TENM4: variants seen among roughly 807,000 people sequenced by gnomAD.
TENM4 encodes the protein teneurin-4.
Under a neutral mutation model 243.3 loss-of-function variants are expected in TENM4, and 82 were observed. The ratio of observed to expected loss-of-function variants is 0.34; its 90% CI spans 0.28 to 0.40. The LOEUF is 0.40. Ranked by LOEUF, TENM4 falls within the 10% of genes least tolerant of loss-of-function variation. The probability of loss-of-function intolerance (pLI) is 1.00; values close to 1 mark genes in which losing one functional copy is unlikely to be tolerated. For synonymous variants in TENM4, 1,412 were observed against 1,456.3 expected, an observed-to-expected ratio of 0.97 and a Z score of 0.69; for missense variants, 3,138 against 3,673.3, an observed-to-expected ratio of 0.85 and a Z score of 3.77.
chr11:79,081,513 G>A (rs1480342619), intron 4 of TENM4, among the ~76,000 whole-genome samples: 1 of 147,574 alleles, frequency 6.8e-6, no homozygotes, highest in Admixed American at 6.8e-5. Flanking sequence ...GATTACCCAG[G>A]CTGTCCTTCC....
intron 4 of TENM4, among the ~76,000 whole-genome samples, chr11:79,103,355 T>C (rs1432435507): frequency 6.6e-6 from 1 of 152,192 alleles, no homozygotes; most frequent in Non-Finnish European, 1.5e-5. Context: ...ATAATTCTGA[T>C]TGCTCCCTGA....
chr11:78,913,581 GTA>G lies in TENM4; in HGVS notation c.494-10060_494-10059del, dbSNP rs1220002752. Among the ~76,000 whole-genome samples, 251 of 101,296 alleles carry G rather than the reference GTA, an allele frequency of 2.5e-3. 1 individual carries two copies. The highest frequency in any genetic ancestry group is 9.5e-3 in the African/African-American group (241 of 25,390). 66.5% of individuals were successfully genotyped at this position (101,296 alleles called of 152,430 possible). A position where few individuals can be genotyped will look rare whatever the true frequency, so the allele number is the denominator to read the frequency against. On this transcript the variant is annotated intron_variant, in intron 6 of 33. Coordinates refer to ENST00000278550, the MANE Select transcript of TENM4 (RefSeq NM_001098816.3). ...AGGAACCATAGTTGATGGGTAAGAGGTATGTGTGTGTGTGTGTGTGTGTGTGT... is the reference window on the plus strand; with the variant it reads ...AGGAACCATAGTTGATGGGTAAGAGGTGTGTGTGTGTGTGTGTGTGTGTGT...
rs1365367130 is a variant in TENM4, at chr11:79,137,646, C to CA, written c.-66+11063dup. On this transcript the variant is annotated intron_variant, in intron 4 of 33. Coordinates refer to ENST00000278550, the MANE Select transcript of TENM4 (RefSeq NM_001098816.3). ...TATTTCCTCTTTCTTTTGTTAAAAA[C>CA]ACGTCTGCGCATATATACGCTTGTA... Among the ~76,000 whole-genome samples, 5 of 152,186 alleles carry CA rather than the reference C, an allele frequency of 3.3e-5. 1 individual carries two copies. Among genetic ancestry groups the CA allele is most frequent in the Admixed American group, 2.6e-4 (4 of 15,274 alleles).
At chr11:79,427,199 C>T (rs1018484900) in intron 1 of TENM4, among the ~76,000 whole-genome samples, 9 of 152,198 alleles carry the variant, frequency 5.9e-5, no homozygotes, top group Admixed American at 2.0e-4. Flanking sequence ...TTCCATGCTT[C>T]CACAGGCCCA....
chr11:79,153,875 T>A (rs2135064171), intron 3 of TENM4, among the ~76,000 whole-genome samples: 1 of 152,184 alleles, frequency 6.6e-6, no homozygotes, highest in South Asian at 2.1e-4. Context: ...CTCGTTCAAT[T>A]CTTAGTGATC....
intron 1 of TENM4, among the ~76,000 whole-genome samples, chr11:79,331,423 A>T (rs1565302822): frequency 6.6e-6 from 1 of 152,122 alleles, no homozygotes; most frequent in Non-Finnish European, 1.5e-5. Flanking sequence ...ACAAAGGCAC[A>T]ACAGAGTCCT....
intron 2 of TENM4, among the ~76,000 whole-genome samples, chr11:79,274,011 G>T (rs1487745665): frequency 6.6e-6 from 1 of 152,204 alleles, no homozygotes; most frequent in Admixed American, 6.5e-5. Flanking sequence ...GCATCTGCAA[G>T]CTTCAGCACT....
chr11:79,145,029 T>C (rs1428846294), intron 4 of TENM4, among the ~76,000 whole-genome samples: 3 of 151,948 alleles, frequency 2.0e-5, no homozygotes, highest in Non-Finnish European at 1.5e-5. Flanking sequence ...TGTATCAAAA[T>C]ATCTCACGTG....
At chr11:79,054,595 C>T (rs1859893736) in intron 6 of TENM4, among the ~76,000 whole-genome samples, 1 of 151,788 alleles carries the variant, frequency 6.6e-6, no homozygotes, top group African/African-American at 2.4e-5. Context: ...ATCACCCAGG[C>T]CCCTACCTCA....
chr11:78,716,638 G>A (rs1420728141), intron 25 of TENM4, among the ~76,000 whole-genome samples: 1 of 152,178 alleles, frequency 6.6e-6, no homozygotes, highest in Non-Finnish European at 1.5e-5. Context: ...TTTAAAAATA[G>A]CCCTACCCAT....
chr11:79,335,551 T>G (rs558875485), intron 1 of TENM4, among the ~76,000 whole-genome samples: 1 of 152,298 alleles, frequency 6.6e-6, no homozygotes, highest in South Asian at 2.1e-4. Flanking sequence ...AAGGCAAAGT[T>G]TGAAGTCAGG....
At chr11:79,155,195 G>C (rs963906834) in intron 3 of TENM4, among the ~76,000 whole-genome samples, 1 of 152,178 alleles carries the variant, frequency 6.6e-6, no homozygotes, top group Non-Finnish European at 1.5e-5. Context: ...AAGAGGGACA[G>C]ATCCGGAGTA....
chr11:79,416,795 T>C (rs1052728492), intron 1 of TENM4, among the ~76,000 whole-genome samples: 3 of 152,100 alleles, frequency 2.0e-5, no homozygotes, highest in African/African-American at 7.2e-5. Flanking sequence ...AGGGTATGCC[T>C]GCTACTAACA....
rs182080031 is a variant in TENM4 at position 79,310,057 on chromosome 11, C to G, written c.-320-12514G>C. Among the ~76,000 whole-genome samples, 5 of 152,316 alleles carry G rather than the reference C, an allele frequency of 3.3e-5. No homozygotes were observed. The East Asian group carries it at 7.7e-4, about 24-fold the overall frequency. ...CAACACATGCCACATGGAATTACCA[C>G]TGTCGGTGTGTCTGCCACTCCCAAA... On this transcript the variant is annotated intron_variant, in intron 1 of 33. Transcript: ENST00000278550.
chr11:79,181,152 AGGCCACT>A (rs1408609491), intron 3 of TENM4, among the ~76,000 whole-genome samples: 1 of 152,154 alleles, frequency 6.6e-6, no homozygotes, highest in Non-Finnish European at 1.5e-5. Context: ...AGAAAACTAC[AGGCCACT>A]ATCTCTCAGG....
intron 2 of TENM4, among the ~76,000 whole-genome samples, chr11:79,255,075 G>A (rs1036897005): frequency 3.9e-5 from 6 of 152,328 alleles, no homozygotes; most frequent in South Asian, 4.1e-4. Context: ...CAGCAGCCCC[G>A]CTGGGTGACC....
chr11:79,291,608 G>A (rs540622372), intron 2 of TENM4, among the ~76,000 whole-genome samples: 1 of 152,254 alleles, frequency 6.6e-6, no homozygotes, highest in East Asian at 1.9e-4. Context: ...TCAGGGCTCT[G>A]CAGAGCATGA....
At chr11:78,849,681 G>A (rs1348329712) in intron 12 of TENM4, among the ~76,000 whole-genome samples, 1 of 152,164 alleles carries the variant, frequency 6.6e-6, no homozygotes. Flanking sequence ...GCTAAAGGAG[G>A]AGGATCATAA....
At chr11:78,686,855 T>C (rs1177617578) in intron 29 of TENM4, among the ~76,000 whole-genome samples, 1 of 152,242 alleles carries the variant, frequency 6.6e-6, no homozygotes, top group African/African-American at 2.4e-5. Flanking sequence ...TTTATTGTTC[T>C]TGGAGCTCTT....
Sources: gnomAD v4.1 joint callset for allele counts (sites outside exome capture counted in the v4.1 genomes callset) on GRCh38, gnomAD v4.1.1 for gene constraint, MANE v1.5 for transcripts, NCBI Gene and HGNC (gene_info 2026-07-23, HGNC 2026-07-21) for gene names.